The following HGD variants were observed in gnomAD, a reference collection of about 807,000 sequenced individuals.
HGD encodes the protein homogentisate 1,2-dioxygenase.
A neutral mutation model predicts 60.8 loss-of-function variants in HGD; 61 were observed. The observed-to-expected ratio is 1.00, with a 90% CI of 0.82 to 1.24. The LOEUF is 1.24. Among genes scored for constraint, HGD ranks in the 50% most tolerant of loss-of-function variants. The pLI is 0.00. For synonymous variants in HGD, 212 were observed against 187.7 expected, an observed-to-expected ratio of 1.13 and a Z score of -1.06; for missense variants, 542 against 547.1, an observed-to-expected ratio of 0.99 and a Z score of 0.09.
intron 12 of HGD, among the ~76,000 whole-genome samples, chr3:120,634,586 T>TAAC (rs113018280): frequency 1.3e-4 from 20 of 151,962 alleles, no homozygotes; most frequent in African/African-American, 3.6e-4. Context: ...AAGAAATAAT[T>TAAC]AACAACAACA....
chr3:120,634,720 T>C (rs373430586), intron 12 of HGD, among the ~76,000 whole-genome samples: 2 of 152,312 alleles, frequency 1.3e-5, no homozygotes, highest in Non-Finnish European at 2.9e-5. Flanking sequence ...CTGGACATGA[T>C]ACATGCCTGC....
At chr3:120,664,056 G>A (rs1707840224) in intron 4 of HGD, among the ~76,000 whole-genome samples, 1 of 152,102 alleles carries the variant, frequency 6.6e-6, no homozygotes, top group African/African-American at 2.4e-5. Flanking sequence ...TTGAACTCCA[G>A]TATTGCCATG....
chr3:120,650,580 A>G (rs1310698377), intron 6 of HGD, among the ~76,000 whole-genome samples, 194 bp downstream of exon 6: 1 of 152,250 alleles, frequency 6.6e-6, no homozygotes, highest in Non-Finnish European at 1.5e-5. Flanking sequence ...TGTTCAGTCA[A>G]GATAAATGCC....
In HGD at chr3:120,651,807, A is replaced by G. The variant is rs192189055; in HGVS notation, c.342+785T>C. On this transcript the variant is annotated intron_variant, in intron 5 of 13. Coordinates refer to ENST00000283871, the MANE Select transcript of HGD (RefSeq NM_000187.4). ...CTCCTGGGACCTATAACTACCAAAC[A>G]GAGCTTCCAATCAGCATTGTACTAA... 2.2e-4 allele frequency among the ~76,000 whole-genome samples: 33 copies of G among 152,336 alleles called. No homozygotes were observed. The East Asian group carries it at 3.9e-3, about 18-fold the overall frequency.
At chr3:120,667,663 T>C (rs1355253231) in intron 4 of HGD, among the ~76,000 whole-genome samples, 3 of 152,128 alleles carry the variant, frequency 2.0e-5, no homozygotes, top group African/African-American at 4.8e-5. Flanking sequence ...TGAAGATTTA[T>C]TAAGGTTGAG....
intron 6 of HGD, 107 bp from the exon 7 acceptor site, chr3:120,648,018 T>C: frequency 1.1e-6 from 1 of 948,586 alleles, no homozygotes; most frequent in Non-Finnish European, 1.7e-6. Flanking sequence ...AGCTCAGAGC[T>C]GGGTATAAAA....
intron 4 of HGD, among the ~76,000 whole-genome samples, chr3:120,669,566 T>C (rs1707980120): frequency 6.6e-6 from 1 of 151,982 alleles, no homozygotes; most frequent in South Asian, 2.1e-4. Context: ...CCATACATAG[T>C]GAACCATAAC....
chr3:120,641,619 C>T lies in HGD; in HGVS notation c.849G>A (p.Met283Ile), dbSNP rs1253358924. ...GGTCAAAGGCCACTGAGTTGATAACCATGAAATTCTTCAGGTTGTACTTGT... is the reference window on the plus strand; with the variant it reads ...GGTCAAAGGCCACTGAGTTGATAACTATGAAATTCTTCAGGTTGTACTTGT... The part of the protein sequence containing the change: ...TPYKYNLKNF[M>I]VINSVAFDHA... The change falls in exon 11 of 14, where the codon ATG becomes ATA. Residue 283 changes from methionine to isoleucine, a missense_variant. Physicochemically the swap from Met to Ile is conservative, Grantham distance 10. This residue lies in a region of HGD where 537 missense variants were observed against 529.1 expected (regional missense o/e 1.01). Coordinates refer to ENST00000283871, the MANE Select transcript of HGD (RefSeq NM_000187.4). 6.2e-7 allele frequency: 1 copy of T among 1,613,760 alleles called. No individual in the cohort carries two copies. The highest frequency in any genetic ancestry group is 2.2e-5 in the East Asian group (1 of 44,886).
rs1940483291 is a variant in HGD at position 120,628,352 on chromosome 3, T to C, written c.*28A>G. 6.2e-7 allele frequency: 1 copy of C among 1,610,190 alleles called. No individual in the cohort carries two copies. Among genetic ancestry groups the C allele is most frequent in the Admixed American group, 1.7e-5 (1 of 60,002 alleles). On this transcript the variant is annotated 3_prime_UTR_variant, in exon 14 of 14. Coordinates refer to ENST00000283871, the MANE Select transcript of HGD (RefSeq NM_000187.4). The stretch of plus-strand genomic sequence containing the variant: ...TCTGAAGAAATCTTCACAAATCTAC[T>C]CTTAATTATGGTAGCAATGTTCCAG...
chr3:120,653,491 G>T (rs544856607), intron 4 of HGD, among the ~76,000 whole-genome samples: 1 of 152,276 alleles, frequency 6.6e-6, no homozygotes, highest in East Asian at 1.9e-4. Context: ...CCTCCATCAG[G>T]TCATAGGGCT....
intron 12 of HGD, among the ~76,000 whole-genome samples, chr3:120,636,229 G>A (rs577169988): frequency 2.0e-5 from 3 of 151,060 alleles, no homozygotes. Context: ...GCAGTGAGCT[G>A]AGATTGTGCC....
At chr3:120,656,013 T>C (rs1941485344) in intron 4 of HGD, among the ~76,000 whole-genome samples, 1 of 152,204 alleles carries the variant, frequency 6.6e-6, no homozygotes, top group South Asian at 2.1e-4. Flanking sequence ...ACCTTCAATG[T>C]GACTATGTTT....
At chr3:120,646,117 G>A (rs1235142814) in intron 9 of HGD, 150 bp downstream of exon 9, 1 of 693,138 alleles carries the variant, frequency 1.4e-6, no homozygotes, top group Non-Finnish European at 2.6e-6. Context: ...TATATTTTCT[G>A]GGAAGACACT....
intron 13 of HGD, 33 bp downstream of exon 13, chr3:120,633,114 A>C: frequency 6.2e-7 from 1 of 1,607,390 alleles, no homozygotes; most frequent in Middle Eastern, 1.7e-4. Context: ...GGGAGTTCAG[A>C]GGCCGCTGGA....
intron 12 of HGD, among the ~76,000 whole-genome samples, chr3:120,636,204 T>TG (rs1276225096): frequency 2.7e-5 from 4 of 147,018 alleles, no homozygotes; most frequent in Non-Finnish European, 6.0e-5. Flanking sequence ...CACTTGAGCC[T>TG]GGGGGGTGGA....
intron 12 of HGD, 154 bp from the exon 13 acceptor site, chr3:120,633,482 A>C: frequency 6.5e-7 from 1 of 1,536,686 alleles, no homozygotes; most frequent in Non-Finnish European, 8.7e-7. Context: ...ACAGAAGAAC[A>C]ATCATAAAAC....
chr3:120,642,862 G>A (rs1447254576), intron 10 of HGD, among the ~76,000 whole-genome samples: 1 of 152,180 alleles, frequency 6.6e-6, no homozygotes, highest in Non-Finnish European at 1.5e-5. Flanking sequence ...TAGGGAGCCC[G>A]GGTGATACAG....
chr3:120,633,235 G>A lies in HGD; in HGVS notation c.1100C>T (p.Thr367Ile). ...FLPGGGSLHS[T>I]MTPHGPDADC... ...AGCATCAGGTCCATGGGGGGTCATT[G>A]TGCTGTGTAGACTCCCTCCCCCTGG... The change falls in exon 13 of 14, where the codon ACA (threonine) becomes ATA (isoleucine). Residue 367 changes from threonine to isoleucine, a missense_variant. By Grantham distance (89) the Thr-to-Ile change is moderately conservative. Transcript: ENST00000283871. The A allele has an allele frequency of 3.7e-6, 6 of 1,614,136 alleles. No individual in the cohort carries two copies. The highest frequency in any genetic ancestry group is 5.1e-6 in the Non-Finnish European group (6 of 1,180,022).
At chr3:120,629,263 G>T (rs889561342) in intron 13 of HGD, among the ~76,000 whole-genome samples, 8 of 152,094 alleles carry the variant, frequency 5.3e-5, no homozygotes, top group African/African-American at 1.9e-4. Flanking sequence ...ATCCACTGTG[G>T]CTTTAAAAAC....
Sources: allele counts gnomAD v4.1 joint callset (sites outside exome capture counted in the v4.1 genomes callset), GRCh38; gene constraint gnomAD v4.1.1; regional missense constraint gnomAD v4.1.1; transcripts MANE v1.5; gene names NCBI Gene and HGNC (gene_info 2026-07-23, HGNC 2026-07-21).